Variants in ENTREP2 observed in about 807,000 individuals in gnomAD.
The protein encoded by ENTREP2 is endosomal transmembrane epsin interactor 2.
At chr15:29,646,232 C>T in the ENTREP2 span, among the ~76,000 whole-genome samples, 2 of 152,332 alleles carry the variant, frequency 1.3e-5, no homozygotes, top group African/African-American at 4.8e-5. Context: ...GATCACCTCA[C>T]CATTCTGGAG....
the ENTREP2 span, among the ~76,000 whole-genome samples, chr15:29,656,269 A>C: frequency 6.6e-6 from 1 of 151,840 alleles, no homozygotes; most frequent in Non-Finnish European, 1.5e-5. Context: ...TCTGTCACCC[A>C]AGCTGGAGTG....
At chr15:29,421,516 C>A in the ENTREP2 span, among the ~76,000 whole-genome samples, 1 of 152,168 alleles carries the variant, frequency 6.6e-6, no homozygotes, top group African/African-American at 2.4e-5. Flanking sequence ...GTTGCCTCTG[C>A]ACAAGTTAGA....
chr15:29,314,059 A>C, the ENTREP2 span, among the ~76,000 whole-genome samples: 1 of 152,230 alleles, frequency 6.6e-6, no homozygotes, highest in Non-Finnish European at 1.5e-5. Flanking sequence ...GATGTGGCTA[A>C]ATTGTTGCAA....
the ENTREP2 span, among the ~76,000 whole-genome samples, chr15:29,350,293 A>G: frequency 6.6e-6 from 1 of 152,106 alleles, no homozygotes; most frequent in African/African-American, 2.4e-5. Context: ...ATATATTGGC[A>G]TAAGGTTGCT....
chr15:29,273,907 G>A, the ENTREP2 span, among the ~76,000 whole-genome samples: 2 of 152,168 alleles, frequency 1.3e-5, no homozygotes, highest in African/African-American at 4.8e-5. Context: ...TACTTTTGAG[G>A]TTTTGGAACT....
the ENTREP2 span, among the ~76,000 whole-genome samples, chr15:29,413,679 T>C: frequency 6.6e-6 from 1 of 152,146 alleles, no homozygotes; most frequent in African/African-American, 2.4e-5. Context: ...CCCCTCTTCC[T>C]ACCAAATTTT....
the ENTREP2 span, among the ~76,000 whole-genome samples, chr15:29,155,212 G>A: frequency 6.6e-6 from 1 of 151,876 alleles, no homozygotes; most frequent in Non-Finnish European, 1.5e-5. Flanking sequence ...AACCCAGGAG[G>A]TGGAGCTTGC....
At chr15:29,660,589 T>C in the ENTREP2 span, among the ~76,000 whole-genome samples, 1 of 152,230 alleles carries the variant, frequency 6.6e-6, no homozygotes, top group Non-Finnish European at 1.5e-5. Context: ...GTGACTATAT[T>C]ACCTCTTCAA....
the ENTREP2 span, chr15:29,269,950 G>C: frequency 2.2e-6 from 1 of 462,678 alleles, no homozygotes; most frequent in Non-Finnish European, 3.8e-6. Context: ...ATGATTTTTA[G>C]TATAGTGAAG....
the ENTREP2 span, among the ~76,000 whole-genome samples, chr15:29,532,306 T>C: frequency 6.6e-6 from 1 of 152,246 alleles, no homozygotes; most frequent in African/African-American, 2.4e-5. Flanking sequence ...ATTTTACACA[T>C]ATTCTGCATT....
the ENTREP2 span, among the ~76,000 whole-genome samples, chr15:29,655,739 AAAC>A: frequency 1.3e-5 from 2 of 152,120 alleles, no homozygotes; most frequent in African/African-American, 2.4e-5. Flanking sequence ...AAAAAACAAA[AAAC>A]AAACCGGGCA....
At chr15:29,532,266 T>C in the ENTREP2 span, among the ~76,000 whole-genome samples, 2 of 152,222 alleles carry the variant, frequency 1.3e-5, no homozygotes, top group Non-Finnish European at 2.9e-5. Flanking sequence ...GCTCAGGAAG[T>C]GATCTGTGTT....
the ENTREP2 span, among the ~76,000 whole-genome samples, chr15:29,621,968 G>A: frequency 6.6e-6 from 1 of 152,126 alleles, no homozygotes; most frequent in African/African-American, 2.4e-5. Context: ...AATCACAAAA[G>A]AACAAATACC....
the ENTREP2 span, among the ~76,000 whole-genome samples, chr15:29,404,275 T>TC: frequency 1.3e-5 from 2 of 151,922 alleles, no homozygotes; most frequent in South Asian, 4.1e-4. Flanking sequence ...TTTAGACACT[T>TC]CTAGGATCCC....
chr15:29,570,623 G>A, the ENTREP2 span: 1 of 1,431,938 alleles, frequency 7.0e-7, no homozygotes, highest in Non-Finnish European at 9.2e-7. Flanking sequence ...GGCCCCGAGC[G>A]CCAGCACGAT....
chr15:29,291,915 G>T, the ENTREP2 span, among the ~76,000 whole-genome samples: 1 of 151,788 alleles, frequency 6.6e-6, no homozygotes, highest in Non-Finnish European at 1.5e-5. Context: ...AAGAACAAAA[G>T]GAAAATATTA....
chr15:29,298,340 C>CAAATTA, the ENTREP2 span, among the ~76,000 whole-genome samples: 1 of 150,094 alleles, frequency 6.7e-6, no homozygotes, highest in African/African-American at 2.5e-5. Context: ...AAAAGAACTG[C>CAAATTA]AAATTAAATC....
At chr15:29,138,305 A>C in the ENTREP2 span, among the ~76,000 whole-genome samples, 1 of 152,214 alleles carries the variant, frequency 6.6e-6, no homozygotes, top group South Asian at 2.1e-4. Flanking sequence ...CCGTTTCTGA[A>C]GGACTAACCA....
chr15:29,245,555 T>C, the ENTREP2 span, among the ~76,000 whole-genome samples: 4 of 151,574 alleles, frequency 2.6e-5, no homozygotes, highest in Non-Finnish European at 2.9e-5. Flanking sequence ...ATTAAAAATA[T>C]ATGTTTGCAA....
Sources: gnomAD v4.1 joint callset for allele counts (sites outside exome capture counted in the v4.1 genomes callset) on GRCh38, gnomAD v4.1.1 for gene constraint, MANE v1.5 for transcripts, NCBI Gene and HGNC (gene_info 2026-07-23, HGNC 2026-07-21) for gene names.